AKAP19: variants seen among roughly 807,000 people sequenced by gnomAD.
AKAP19 encodes small A-kinase anchoring protein.
At chr2:190,049,530 G>T in the AKAP19 span, among the ~76,000 whole-genome samples, 1 of 152,210 alleles carries the variant, frequency 6.6e-6, no homozygotes, top group South Asian at 2.1e-4. Context: ...GAACCCACAT[G>T]CAGTGTGGCT....
chr2:189,921,084 T>G, the AKAP19 span, among the ~76,000 whole-genome samples: 1 of 152,174 alleles, frequency 6.6e-6, no homozygotes, highest in Non-Finnish European at 1.5e-5. Flanking sequence ...TCAGCGGAAT[T>G]TCTGCTAGAA....
the AKAP19 span, among the ~76,000 whole-genome samples, chr2:190,115,301 A>ATT: frequency 1.7e-4 from 1 of 5,810 alleles, no homozygotes. Flanking sequence ...ATATATATAT[A>ATT]TTTTTTTTTT....
the AKAP19 span, among the ~76,000 whole-genome samples, chr2:190,177,467 C>T: frequency 2.0e-5 from 3 of 152,170 alleles, no homozygotes; most frequent in Non-Finnish European, 4.4e-5. This position sits in a 1 kb window ranked among gnomAD's most constrained non-coding sequence, Gnocchi z 4.6. Context: ...CAGTGGCAGA[C>T]AAGTGAATCC....
the AKAP19 span, chr2:189,930,976 T>G: frequency 1.7e-5 from 14 of 839,618 alleles, no homozygotes; most frequent in Admixed American, 2.9e-4. Flanking sequence ...CAGGGAGATG[T>G]CATCCGAGGT....
At chr2:190,077,263 G>A in the AKAP19 span, among the ~76,000 whole-genome samples, 1 of 150,642 alleles carries the variant, frequency 6.6e-6, no homozygotes, top group African/African-American at 2.4e-5. Flanking sequence ...ACTCTGGAGT[G>A]CAGTAGCATG....
chr2:190,038,338 GT>G, the AKAP19 span, among the ~76,000 whole-genome samples: 1 of 152,110 alleles, frequency 6.6e-6, no homozygotes, highest in Non-Finnish European at 1.5e-5. Flanking sequence ...ATACCTGGTG[GT>G]TCTTAGATAC....
the AKAP19 span, among the ~76,000 whole-genome samples, chr2:190,090,015 AAAC>A: frequency 6.6e-6 from 1 of 152,046 alleles, no homozygotes; most frequent in Admixed American, 6.6e-5. Context: ...CCCTTTCCCC[AAAC>A]TACTCTACTT....
At chr2:189,969,248 C>T in the AKAP19 span, among the ~76,000 whole-genome samples, 1 of 151,972 alleles carries the variant, frequency 6.6e-6, no homozygotes, top group Non-Finnish European at 1.5e-5. Context: ...TCATGGGGTC[C>T]CAGAGAGCTG....
the AKAP19 span, among the ~76,000 whole-genome samples, chr2:190,070,125 T>C: frequency 6.6e-6 from 1 of 152,182 alleles, no homozygotes; most frequent in Admixed American, 6.5e-5. Flanking sequence ...GTGCCCTTTG[T>C]TCTTGGACCC....
the AKAP19 span, among the ~76,000 whole-genome samples, chr2:189,891,740 G>A: frequency 2.0e-5 from 3 of 151,982 alleles, no homozygotes; most frequent in Non-Finnish European, 4.4e-5. Context: ...GTGTATCTTT[G>A]TGGTATTCTC....
chr2:190,014,827 A>G, the AKAP19 span, among the ~76,000 whole-genome samples: 14 of 152,266 alleles, frequency 9.2e-5, no homozygotes, highest in African/African-American at 3.1e-4. Flanking sequence ...GGCCAAAACA[A>G]AGGGGCTACA....
the AKAP19 span, among the ~76,000 whole-genome samples, chr2:189,901,922 C>T: frequency 1.3e-5 from 2 of 151,946 alleles, no homozygotes; most frequent in Admixed American, 1.3e-4. Context: ...ATTATAAGTA[C>T]TATGTATGAG....
the AKAP19 span, among the ~76,000 whole-genome samples, chr2:190,118,202 C>A: frequency 2.0e-5 from 3 of 152,120 alleles, no homozygotes; most frequent in Non-Finnish European, 2.9e-5. Context: ...CAATAACAGG[C>A]TCTGAAATTG....
chr2:190,116,473 C>T, the AKAP19 span, among the ~76,000 whole-genome samples: 2 of 152,122 alleles, frequency 1.3e-5, no homozygotes, highest in Non-Finnish European at 1.5e-5. Context: ...CTCCCAACAC[C>T]GTAGCATTGG....
the AKAP19 span, among the ~76,000 whole-genome samples, chr2:189,921,543 T>C: frequency 6.6e-6 from 1 of 152,198 alleles, no homozygotes; most frequent in African/African-American, 2.4e-5. Context: ...TAGAAGATTT[T>C]TTTAAAGGAG....
chr2:190,191,932 G>T, the AKAP19 span, among the ~76,000 whole-genome samples: 1 of 147,606 alleles, frequency 6.8e-6, no homozygotes, highest in Admixed American at 6.7e-5. Flanking sequence ...TTTTAACTGT[G>T]TTTTTTTTTC....
chr2:189,988,310 A>T, the AKAP19 span, among the ~76,000 whole-genome samples: 1 of 152,232 alleles, frequency 6.6e-6, no homozygotes, highest in African/African-American at 2.4e-5. Context: ...TTACTGGCAT[A>T]CAAAGGAAGG....
chr2:190,057,581 C>A, the AKAP19 span: 1 of 1,613,442 alleles, frequency 6.2e-7, no homozygotes, highest in South Asian at 1.1e-5. Flanking sequence ...CAGTCAAGAC[C>A]AAAATCCCTT....
chr2:190,198,615 G>C, the AKAP19 span, among the ~76,000 whole-genome samples: 1 of 106,966 alleles, frequency 9.3e-6, no homozygotes, highest in Non-Finnish European at 1.7e-5. Context: ...TGAGTTAACA[G>C]AGTAAGACCC....
Sources: allele counts gnomAD v4.1 joint callset (sites outside exome capture counted in the v4.1 genomes callset), GRCh38; gene constraint gnomAD v4.1.1; non-coding constraint Gnocchi (gnomAD v3.1); transcripts MANE v1.5; gene names NCBI Gene and HGNC (gene_info 2026-07-23, HGNC 2026-07-21).